The following TENM3 variants were observed in gnomAD, a reference collection of about 807,000 sequenced individuals.
TENM3 encodes teneurin transmembrane protein 3, also known as teneurin-3.
TENM3 carries 63 observed loss-of-function variants against 255.1 expected under a neutral mutation model. The observed-to-expected ratio is 0.25, with a 90% CI of 0.20 to 0.30. TENM3 has a LOEUF of 0.30. Ranked by LOEUF, TENM3 falls within the 10% of genes least tolerant of loss-of-function variation. TENM3 has a pLI of 1.00. For synonymous variants in TENM3, 1,306 were observed against 1,322.3 expected, an observed-to-expected ratio of 0.99 and a Z score of 0.27; for missense variants, 2,929 against 3,461.1, an observed-to-expected ratio of 0.85 and a Z score of 3.86.
the TENM3 span, chr4:182,084,835 G>A: frequency 6.6e-6 from 1 of 152,056 alleles, no homozygotes; most frequent in Non-Finnish European, 1.5e-5. Context: ...AAATCACAAG[G>A]CATTTATATC....
chr4:181,798,396 C>T, the TENM3 span, among the ~76,000 whole-genome samples: 1 of 152,074 alleles, frequency 6.6e-6, no homozygotes, highest in Non-Finnish European at 1.5e-5. Flanking sequence ...GCAACCTCTG[C>T]CTGCTGTGTT....
the TENM3 span, among the ~76,000 whole-genome samples, chr4:181,945,815 C>T: frequency 6.6e-6 from 1 of 152,054 alleles, no homozygotes; most frequent in Non-Finnish European, 1.5e-5. Context: ...CGAGGGTAAT[C>T]AATTTGACTG....
At chr4:181,772,769 G>A in the TENM3 span, among the ~76,000 whole-genome samples, 1 of 152,080 alleles carries the variant, frequency 6.6e-6, no homozygotes, top group African/African-American at 2.4e-5. Context: ...TACAGACCTT[G>A]GTTGTTTTTC....
chr4:181,705,064 A>C, the TENM3 span, among the ~76,000 whole-genome samples: 1 of 143,702 alleles, frequency 7.0e-6, no homozygotes, highest in Middle Eastern at 3.4e-3. Context: ...AAAAAAAAAA[A>C]CAAAAAAGGA....
chr4:181,716,694 A>G, the TENM3 span, among the ~76,000 whole-genome samples: 5 of 152,344 alleles, frequency 3.3e-5, no homozygotes, highest in East Asian at 1.9e-4. Context: ...GATAACATGT[A>G]TAAAATACTC....
In TENM3 at chr4:182,680,546, C is replaced by T; in HGVS notation, c.1643C>T (p.Ala548Val). The part of the protein sequence containing the change: ...GFLGPDCSRA[A>V]CPVLCSGNGQ... ...TCTGTCGTGTCTTGTTTCACAGCCG[C>T]CTGTCCAGTGTTATGTAGTGGCAAC... Residue 548 changes from alanine (A) to valine (V), a missense_variant, in exon 10 of 28, where the codon GCC becomes GTC. Around this residue, in one of 6 missense-constraint regions of TENM3, gnomAD observed 1,608 missense variants for 1,884.4 expected, o/e 0.85. Coordinates refer to ENST00000511685, the MANE Select transcript of TENM3 (RefSeq NM_001080477.4). 1 of 1,611,980 alleles carries T rather than the reference C, an allele frequency of 6.2e-7. No homozygotes were observed. Among genetic ancestry groups the T allele is most frequent in the Non-Finnish European group, 8.5e-7 (1 of 1,179,490 alleles).
chr4:181,763,740 A>T, the TENM3 span, among the ~76,000 whole-genome samples: 1 of 152,226 alleles, frequency 6.6e-6, no homozygotes, highest in Non-Finnish European at 1.5e-5. Context: ...GTCCTCGCTG[A>T]TAAGTATCCC....
chr4:182,122,313 C>T, the TENM3 span, among the ~76,000 whole-genome samples: 1 of 152,154 alleles, frequency 6.6e-6, no homozygotes, highest in Non-Finnish European at 1.5e-5. Flanking sequence ...GAATGGCAAA[C>T]CTTTTCCAGA....
At chr4:182,273,320 A>C (rs1759773040) in intron 1 of TENM3, among the ~76,000 whole-genome samples, 1 of 152,206 alleles carries the variant, frequency 6.6e-6, no homozygotes, top group African/African-American at 2.4e-5. Context: ...GTTTAAGCTC[A>C]GTGGTTTGGC....
chr4:182,107,610 A>C, the TENM3 span, among the ~76,000 whole-genome samples: 1 of 152,216 alleles, frequency 6.6e-6, no homozygotes, highest in African/African-American at 2.4e-5. Context: ...TCATTAATCC[A>C]GTGAAGGATG....
At chr4:182,704,440 C>T (rs750953233) in intron 12 of TENM3, among the ~76,000 whole-genome samples, 1 of 152,218 alleles carries the variant, frequency 6.6e-6, no homozygotes, top group Non-Finnish European at 1.5e-5. Flanking sequence ...CCAGTCATCT[C>T]TACAAAGCTC....
rs1308009125 is a variant in TENM3, at chr4:182,799,691, C to T, written c.7440C>T (p.Ala2480=). ...MAEVQVSRRR[A]GGAQSWLWFA... Reference sequence around the variant, plus strand: ...AGGTGCAGGTGAGCCGGCGCCGGGCCGGCGGCGCGCAGTCCTGGCTGTGGT... The same window carrying T: ...AGGTGCAGGTGAGCCGGCGCCGGGCTGGCGGCGCGCAGTCCTGGCTGTGGT... The change falls in exon 28 of 28, where the codon GCC becomes GCT. Residue 2480 remains alanine (A), a synonymous_variant. Coordinates refer to ENST00000511685, the MANE Select transcript of TENM3 (RefSeq NM_001080477.4). The surrounding 1 kb of genome is among the most constrained non-coding windows in gnomAD (Gnocchi z 4.2). 7 of 1,549,256 alleles carry T rather than the reference C, an allele frequency of 4.5e-6. No individual in the cohort carries two copies. Among genetic ancestry groups the T allele is most frequent in the East Asian group, 2.4e-5 (1 of 40,862 alleles).
the TENM3 span, among the ~76,000 whole-genome samples, chr4:182,013,948 G>A: frequency 7.0e-6 from 1 of 141,868 alleles, no homozygotes; most frequent in Non-Finnish European, 1.5e-5. Context: ...GTGTATATAC[G>A]TATATACACA....
intron 5 of TENM3, among the ~76,000 whole-genome samples, chr4:182,633,150 T>C (rs1293093590): frequency 6.6e-6 from 1 of 152,150 alleles, no homozygotes; most frequent in East Asian, 1.9e-4. Flanking sequence ...TAGATTGGTC[T>C]CAAACTCCTA....
intron 12 of TENM3, among the ~76,000 whole-genome samples, chr4:182,694,810 G>A (rs1171562527): frequency 6.6e-6 from 1 of 152,102 alleles, no homozygotes; most frequent in Non-Finnish European, 1.5e-5. Flanking sequence ...GAAACAAGAT[G>A]GGGTGGAAAG....
chr4:182,483,723 T>C (rs912578939), intron 3 of TENM3, among the ~76,000 whole-genome samples: 13 of 152,112 alleles, frequency 8.5e-5, no homozygotes, highest in African/African-American at 2.4e-4. Context: ...AGGGGTTTCA[T>C]TGGCTCACAG....
chr4:182,351,989 A>T (rs1224948608), intron 3 of TENM3, among the ~76,000 whole-genome samples: 1 of 152,154 alleles, frequency 6.6e-6, no homozygotes, highest in East Asian at 1.9e-4. Flanking sequence ...GTGGAAAATT[A>T]TATCTGTTTA....
intron 3 of TENM3, among the ~76,000 whole-genome samples, chr4:182,389,754 C>T (rs1975806): frequency 0.9 from 133,363 of 147,384 alleles, 61,691 homozygotes; most frequent in Non-Finnish European, 1. Context: ...GGCGCGATCT[C>T]GGCTCACTGC....
the TENM3 span, among the ~76,000 whole-genome samples, chr4:181,542,258 A>G: frequency 1.3e-5 from 2 of 152,320 alleles, no homozygotes; most frequent in South Asian, 4.1e-4. Flanking sequence ...GTGACCCAGA[A>G]GTGGGGACTC....
Sources: allele counts gnomAD v4.1 joint callset (sites outside exome capture counted in the v4.1 genomes callset), GRCh38; gene constraint gnomAD v4.1.1; regional missense constraint gnomAD v4.1.1; non-coding constraint Gnocchi (gnomAD v3.1); transcripts MANE v1.5; gene names NCBI Gene and HGNC (gene_info 2026-07-23, HGNC 2026-07-21).